SHANK2: variants seen among roughly 807,000 people sequenced by gnomAD.
SHANK2 encodes SH3 and multiple ankyrin repeat domains protein 2.
In SHANK2, 43 loss-of-function variants were observed where a neutral mutation model predicts 133.7. That is an observed-to-expected ratio of 0.32 (90% confidence interval 0.25 to 0.41). The LOEUF (loss-of-function observed/expected upper bound fraction) is 0.41. SHANK2 is among the 10% of genes least tolerant of loss of function. The probability of loss-of-function intolerance (pLI) is 1.00; values close to 1 mark genes in which losing one functional copy is unlikely to be tolerated. For synonymous variants in SHANK2, 1,017 were observed against 952.8 expected (o/e 1.07, Z -1.24); for missense variants, 1,994 against 2,235.8 (o/e 0.89, Z 2.18).
In SHANK2 at chr11:70,469,531, T is replaced by C. The variant is rs1311754044; in HGVS notation, c.*3338A>G. 5 of 152,494 alleles carry C rather than the reference T, an allele frequency of 3.3e-5. No homozygotes were observed. In the East Asian group the frequency reaches 9.6e-4, roughly 29 times the overall value. 9.4% of individuals were successfully genotyped at this position (152,494 alleles called of 1,614,324 possible). ...GTGCAAATTACAGGAGCTTTTTTTTTTTTTTATAAAGTCTAAAAAGAATAA... is the reference window on the plus strand; with the variant it reads ...GTGCAAATTACAGGAGCTTTTTTTTCTTTTTATAAAGTCTAAAAAGAATAA... On this transcript the variant is annotated 3_prime_UTR_variant, in exon 26 of 26. Transcript: ENST00000601538.
At chr11:70,504,171 T>C (rs1181217923) in intron 17 of SHANK2, among the ~76,000 whole-genome samples, 10 of 152,242 alleles carry the variant, frequency 6.6e-5, no homozygotes, top group Non-Finnish European at 1.3e-4. Flanking sequence ...CCAGCCACAC[T>C]GTGCTGTACG....
chr11:70,728,845 G>T (rs1232756459), intron 14 of SHANK2, among the ~76,000 whole-genome samples: 1 of 152,174 alleles, frequency 6.6e-6, no homozygotes, highest in Non-Finnish European at 1.5e-5. Context: ...ACCCATAAGG[G>T]GTTCAAGAAA....
intron 14 of SHANK2, among the ~76,000 whole-genome samples, chr11:70,738,298 A>C (rs1353339331): frequency 6.6e-6 from 1 of 152,266 alleles, no homozygotes; most frequent in Non-Finnish European, 1.5e-5. Context: ...CCGGACTCCC[A>C]TCAACAATGT....
intron 11 of SHANK2, among the ~76,000 whole-genome samples, chr11:70,863,106 G>T (rs1259979243): frequency 6.6e-6 from 1 of 152,152 alleles, no homozygotes; most frequent in Non-Finnish European, 1.5e-5. Context: ...ACCTGGGTAG[G>T]TCTAGAGAAA....
At chr11:71,197,161 G>A (rs953461497) in intron 2 of SHANK2, among the ~76,000 whole-genome samples, 10 of 152,180 alleles carry the variant, frequency 6.6e-5, no homozygotes, top group African/African-American at 2.4e-4. Flanking sequence ...AGTCAAAGCA[G>A]AACTGAAGGT....
intron 4 of SHANK2, among the ~76,000 whole-genome samples, chr11:71,114,488 C>A (rs1005916176): frequency 1.3e-5 from 2 of 152,174 alleles, no homozygotes; most frequent in Admixed American, 1.3e-4. Flanking sequence ...GGCTATTTGA[C>A]AAAAGACAAA....
intron 13 of SHANK2, among the ~76,000 whole-genome samples, chr11:70,799,093 C>A (rs1051431162): frequency 6.6e-6 from 1 of 152,096 alleles, no homozygotes; most frequent in South Asian, 2.1e-4. Flanking sequence ...AACAAGCGTG[C>A]GGAAGGAGAA....
At chr11:70,655,218 G>A (rs2061392050) in intron 17 of SHANK2, among the ~76,000 whole-genome samples, 1 of 152,200 alleles carries the variant, frequency 6.6e-6, no homozygotes, top group African/African-American at 2.4e-5. Flanking sequence ...CACCAGCAAG[G>A]AGTATAGTCA....
chr11:70,783,503 C>CCAGCA (rs199578495), intron 14 of SHANK2, among the ~76,000 whole-genome samples: 2 of 152,146 alleles, frequency 1.3e-5, no homozygotes, highest in African/African-American at 2.4e-5. Context: ...GGGAGAGAAG[C>CCAGCA]CAGCACAGCA....
chr11:70,849,991 C>T (rs1177576106), intron 11 of SHANK2, among the ~76,000 whole-genome samples: 1 of 152,140 alleles, frequency 6.6e-6, no homozygotes, highest in African/African-American at 2.4e-5. Flanking sequence ...CCATGAAACA[C>T]ACATGCCCTA....
chr11:70,932,651 C>T (rs1421896595), intron 10 of SHANK2, among the ~76,000 whole-genome samples: 1 of 152,214 alleles, frequency 6.6e-6, no homozygotes, highest in Non-Finnish European at 1.5e-5. Flanking sequence ...GCCAGGGTAC[C>T]TTAGAAGTGG....
Position 70,485,915 on chromosome 11 carries a change from C to T in SHANK2, c.4378G>A (p.Ala1460Thr), listed in dbSNP as rs150075848. 1 of 1,614,060 alleles carries T rather than the reference C, an allele frequency of 6.2e-7. No individual in the cohort carries two copies. The highest frequency in any genetic ancestry group is 8.5e-7 in the Non-Finnish European group (1 of 1,180,032). The change falls in exon 25 of 26, where the codon GCA becomes ACA. Residue 1460 changes from alanine (A) to threonine (T), a missense_variant. By Grantham distance (58) the Ala-to-Thr change is moderately conservative. Transcript: ENST00000601538. This position sits in a 1 kb window ranked among gnomAD's most constrained non-coding sequence, Gnocchi z 5.8. ...SLNSSQPTNS[A>T]DSKKPASLSN... is the part of the protein sequence containing the mutation. ...AGACTGGCTGGCTTCTTGCTGTCTG[C>T]AGAGTTGGTTGGTTGGCTGGAGTTC... is the stretch of plus-strand genomic sequence containing the variant.
chr11:70,692,329 C>T (rs1555021237), intron 15 of SHANK2, among the ~76,000 whole-genome samples: 2 of 152,186 alleles, frequency 1.3e-5, no homozygotes, highest in African/African-American at 4.8e-5. Flanking sequence ...GCACATGCCT[C>T]TTAGGAGCTG....
chr11:70,820,365 C>T lies in SHANK2; in HGVS notation c.1492G>A (p.Gly498Arg), dbSNP rs536813247. The change falls in exon 12 of 26, where the codon GGG (glycine) becomes AGG (arginine). Residue 498 changes from glycine to arginine, a missense_variant and splice_region_variant. By Grantham distance (125) the Gly-to-Arg change is moderately radical (BLOSUM62 -2). Transcript: ENST00000601538. ...GKRPQPLWHV[G>R]SPFALGANKD... ...CCCTTGGCGTCTGCCACTCCTTACCCGACATGCCAGAGAGGCTGCGGCCTC... is the reference window on the plus strand; with the variant it reads ...CCCTTGGCGTCTGCCACTCCTTACCTGACATGCCAGAGAGGCTGCGGCCTC... 23 of 629,774 alleles carry T rather than the reference C, an allele frequency of 3.7e-5. No individual in the cohort carries two copies. The South Asian group carries it at 3.9e-4, about 11-fold the overall frequency. The allele number at this position is 629,774 out of a possible 1,614,324, so 39.0% of individuals were successfully genotyped here.
At chr11:70,528,346 G>A (rs145925018) in intron 17 of SHANK2, among the ~76,000 whole-genome samples, 5 of 152,332 alleles carry the variant, frequency 3.3e-5, no homozygotes, top group Admixed American at 6.5e-5. Context: ...CTGGGCTGAC[G>A]CGAGGCTCCT....
At chr11:70,562,323 T>G (rs1283121774) in intron 17 of SHANK2, among the ~76,000 whole-genome samples, 1 of 152,230 alleles carries the variant, frequency 6.6e-6, no homozygotes, top group Non-Finnish European at 1.5e-5. Context: ...TGTTCATGGT[T>G]TCCTATATCC....
intron 12 of SHANK2, among the ~76,000 whole-genome samples, chr11:70,817,838 G>A (rs1047853353): frequency 8.5e-5 from 13 of 152,168 alleles, no homozygotes; most frequent in African/African-American, 3.1e-4. Flanking sequence ...AGGTTAGAGC[G>A]ATTCTCCTGT....
intron 17 of SHANK2, among the ~76,000 whole-genome samples, chr11:70,529,908 C>G (rs2059446241): frequency 6.6e-6 from 1 of 152,334 alleles, no homozygotes; most frequent in East Asian, 1.9e-4. Flanking sequence ...ATTGCACAGA[C>G]AGACCACAGT....
At chr11:70,896,935 T>C (rs546919969) in intron 10 of SHANK2, among the ~76,000 whole-genome samples, 18 of 152,304 alleles carry the variant, frequency 1.2e-4, no homozygotes, top group African/African-American at 3.1e-4. Context: ...GTTCCAGCTC[T>C]GACACCCCGG....
Sources: allele counts gnomAD v4.1 joint callset (sites outside exome capture counted in the v4.1 genomes callset), GRCh38; gene constraint gnomAD v4.1.1; non-coding constraint Gnocchi (gnomAD v3.1); transcripts MANE v1.5; gene names NCBI Gene and HGNC (gene_info 2026-07-23, HGNC 2026-07-21).